MED12L: variants seen among roughly 807,000 people sequenced by gnomAD.
The protein encoded by MED12L is mediator complex subunit 12L.
A neutral mutation model predicts 281.3 loss-of-function variants in MED12L; 60 were observed. The ratio of observed to expected loss-of-function variants is 0.21; its 90% CI spans 0.17 to 0.26. The LOEUF (loss-of-function observed/expected upper bound fraction) is 0.26, where lower values mean the gene tolerates loss of function less well. Among genes scored for constraint, MED12L ranks in the 10% least tolerant of loss-of-function variants. The pLI is 1.00. For synonymous variants in MED12L, 974 were observed against 987.2 expected (o/e 0.99, Z 0.25); for missense variants, 2,146 against 2,680.9 (o/e 0.80, Z 4.41).
chr3:151,345,820 A>G (rs766264593), intron 16 of MED12L, among the ~76,000 whole-genome samples: 5 of 151,960 alleles, frequency 3.3e-5, no homozygotes, highest in Non-Finnish European at 7.4e-5. Flanking sequence ...CCCAGCCTAC[A>G]TTTTCTACTT....
At position 151,270,960 on chromosome 3, in the gene MED12L, A is replaced by T. The variant is rs187609531; in HGVS notation, c.2250+77294A>T. ...AGATGACACTTAGTTTTAAATGTTA[A>T]AAGTGTACAAGTTGCTTTGTTAGAA... On this transcript the variant is annotated intron_variant, in intron 16 of 44. Transcript: ENST00000687756. Among the ~76,000 whole-genome samples the T allele has an allele frequency of 9.9e-4, 151 of 152,264 alleles. 1 individual carries two copies. Among genetic ancestry groups the T allele is most frequent in the African/African-American group, 3.4e-3 (142 of 41,570 alleles).
chr3:151,125,277 G>A (rs1714334671), intron 4 of MED12L, among the ~76,000 whole-genome samples: 1 of 152,150 alleles, frequency 6.6e-6, no homozygotes, highest in Non-Finnish European at 1.5e-5. Flanking sequence ...TCTTAATTGA[G>A]TAACTTCTTT....
intron 5 of MED12L, among the ~76,000 whole-genome samples, chr3:151,146,250 C>T (rs774839185): frequency 6.6e-6 from 1 of 152,154 alleles, no homozygotes; most frequent in African/African-American, 2.4e-5. Context: ...TGGGGACCTT[C>T]CTGCGCCTCA....
chr3:151,262,853 T>A (rs913160799), intron 16 of MED12L, among the ~76,000 whole-genome samples: 5 of 152,162 alleles, frequency 3.3e-5, no homozygotes, highest in African/African-American at 9.7e-5. Context: ...ATAAAGTAAG[T>A]CCTGTTAACG....
Position 151,433,004 on chromosome 3 carries a change from T to C in MED12L, c.*200T>C. 1 of 538,436 alleles carries C rather than the reference T, an allele frequency of 1.9e-6. No homozygotes were observed. Among genetic ancestry groups the C allele is most frequent in the Non-Finnish European group, 3.3e-6 (1 of 303,832 alleles). The allele number at this position is 538,436 out of a possible 1,614,324, so 33.4% of individuals were successfully genotyped here. A position where few individuals can be genotyped will look rare whatever the true frequency, so the allele number is the denominator to read the frequency against. ...GAAGTTGTGGTTTGATTTTGTTGAA[T>C]TCACCTTTAAAGTAGGTTTACAAAT... On this transcript the variant is annotated 3_prime_UTR_variant, in exon 45 of 45. Transcript: ENST00000687756.
At chr3:151,247,051 A>T (rs2149422647) in intron 16 of MED12L, among the ~76,000 whole-genome samples, 1 of 152,358 alleles carries the variant, frequency 6.6e-6, no homozygotes, top group South Asian at 2.1e-4. Context: ...TGCAAACCAA[A>T]ACCACAAGAA....
At chr3:151,352,045 A>T (rs1290550810) in intron 17 of MED12L, among the ~76,000 whole-genome samples, 1 of 152,222 alleles carries the variant, frequency 6.6e-6, no homozygotes. Flanking sequence ...ACATTTTTGA[A>T]TATTTGCATA....
intron 16 of MED12L, chr3:151,336,465 T>C (rs1468932765): frequency 2.2e-6 from 1 of 454,588 alleles, no homozygotes; most frequent in South Asian, 1.6e-5. Flanking sequence ...GTGAACTTTA[T>C]ACAACAATAC....
At chr3:151,326,428 A>G (rs1228889799) in intron 16 of MED12L, 5 of 152,650 alleles carry the variant, frequency 3.3e-5, no homozygotes, top group Non-Finnish European at 5.9e-5. Flanking sequence ...ATGCAATGTG[A>G]TAAGTTTAAT....
chr3:151,092,465 A>G (rs1296060465), intron 2 of MED12L, among the ~76,000 whole-genome samples: 1 of 152,238 alleles, frequency 6.6e-6, no homozygotes. Context: ...TAAATACTTC[A>G]TGAAGAAATT....
In MED12L at chr3:151,357,323, C is replaced by G. The variant is rs1277412059; in HGVS notation, c.2772C>G (p.Arg924=). The change falls in exon 20 of 45, where the codon CGC becomes CGG. Residue 924 remains arginine, a synonymous_variant. Transcript: ENST00000687756. The part of the protein sequence containing the change: ...LCVCIVAVLR[R]YHSCLILNPD... ...TCTGCATCGTGGCTGTTCTCAGGCG[C>G]TATCACAGTTGTCTAATCTTGAATC... 1 of 1,613,680 alleles carries G rather than the reference C, an allele frequency of 6.2e-7. No homozygotes were observed. The highest frequency in any genetic ancestry group is 8.5e-7 in the Non-Finnish European group (1 of 1,179,822).
chr3:151,094,944 T>C (rs1720519946), intron 2 of MED12L, among the ~76,000 whole-genome samples: 1 of 152,202 alleles, frequency 6.6e-6, no homozygotes, highest in Non-Finnish European at 1.5e-5. Flanking sequence ...TCCTAGGGTA[T>C]AGATAGAAGC....
intron 16 of MED12L, among the ~76,000 whole-genome samples, chr3:151,263,763 A>C (rs1739327478): frequency 6.6e-6 from 1 of 151,740 alleles, no homozygotes; most frequent in African/African-American, 2.4e-5. Context: ...TTCCCGTACC[A>C]CCCCCCCCAC....
intron 16 of MED12L, among the ~76,000 whole-genome samples, chr3:151,308,705 A>ATGG (rs948102000): frequency 1.1e-4 from 17 of 152,074 alleles, no homozygotes; most frequent in Non-Finnish European, 1.9e-4. Flanking sequence ...ATTATTCTTC[A>ATGG]TGGTGGTGGT....
chr3:151,372,831 C>A (rs527860062), intron 27 of MED12L, 65 bp downstream of exon 27: 5 of 1,311,212 alleles, frequency 3.8e-6, no homozygotes, highest in African/African-American at 1.5e-5. Context: ...GAGCTACTTA[C>A]ACTTATAGGA....
intron 2 of MED12L, among the ~76,000 whole-genome samples, chr3:151,114,593 C>T (rs542666193): frequency 5.3e-5 from 8 of 152,232 alleles, no homozygotes; most frequent in Non-Finnish European, 1.0e-4. Flanking sequence ...CCGTGGCTAC[C>T]ATTACTCCAA....
At chr3:151,357,497 A>G in intron 20 of MED12L, 121 bp downstream of exon 20, 1 of 838,310 alleles carries the variant, frequency 1.2e-6, no homozygotes, top group Non-Finnish European at 1.7e-6. Context: ...AAACATGGTT[A>G]AAGAACACTC....
intron 33 of MED12L, among the ~76,000 whole-genome samples, chr3:151,382,955 T>C (rs1372256676): frequency 6.6e-6 from 1 of 152,208 alleles, no homozygotes; most frequent in Non-Finnish European, 1.5e-5. Flanking sequence ...CAGTGCTAGG[T>C]ATTTTAAGCA....
At chr3:151,193,843 G>A (rs975147303) in intron 16 of MED12L, 177 bp downstream of exon 16, 8 of 482,340 alleles carry the variant, frequency 1.7e-5, no homozygotes, top group South Asian at 1.1e-4. Flanking sequence ...GAGGTTGTCC[G>A]AATTTGTAGT....
Sources: allele counts gnomAD v4.1 joint callset (sites outside exome capture counted in the v4.1 genomes callset), GRCh38; gene constraint gnomAD v4.1.1; transcripts MANE v1.5; gene names NCBI Gene and HGNC (gene_info 2026-07-23, HGNC 2026-07-21).